The following PLXNA4 variants were observed in gnomAD, a reference collection of about 807,000 sequenced individuals.
The protein encoded by PLXNA4 is plexin A4.
In PLXNA4, 44 loss-of-function variants were observed where a neutral mutation model predicts 191.8. The observed-to-expected ratio is 0.23, with a 90% CI of 0.18 to 0.29. PLXNA4 has a LOEUF of 0.29. PLXNA4 is among the 10% of genes least tolerant of loss of function. The probability of loss-of-function intolerance (pLI) is 1.00; values close to 1 mark genes in which losing one functional copy is unlikely to be tolerated. For synonymous variants in PLXNA4, 1,082 were observed against 1,009.5 expected (o/e 1.07, Z -1.36); for missense variants, 1,800 against 2,488.8 (o/e 0.72, Z 5.89).
At chr7:132,560,978 T>C (rs1182938998) in intron 1 of PLXNA4, among the ~76,000 whole-genome samples, 2 of 152,102 alleles carry the variant, frequency 1.3e-5, no homozygotes, top group Non-Finnish European at 2.9e-5. Flanking sequence ...TGGCCCCCGC[T>C]GAACCTTGCT....
chr7:132,389,482 AT>A (rs1805306139), intron 3 of PLXNA4, among the ~76,000 whole-genome samples: 1 of 152,212 alleles, frequency 6.6e-6, no homozygotes, highest in Non-Finnish European at 1.5e-5. Flanking sequence ...AGCTTTCTGC[AT>A]ATGGCTAGCC....
At chr7:132,440,620 T>C (rs969552113) in intron 3 of PLXNA4, among the ~76,000 whole-genome samples, 10 of 152,348 alleles carry the variant, frequency 6.6e-5, no homozygotes, top group Admixed American at 5.9e-4. Flanking sequence ...CTAAAGCTGC[T>C]AGTGAATGCT....
chr7:132,463,524 A>G (rs551857764), intron 3 of PLXNA4, among the ~76,000 whole-genome samples: 93 of 152,324 alleles, frequency 6.1e-4, no homozygotes, highest in African/African-American at 2.2e-3. Flanking sequence ...AGGATAAGAG[A>G]CTTGCTTAAG....
chr7:132,341,467 C>T lies in PLXNA4; in HGVS notation c.1372-43245G>A, dbSNP rs1324500417. 2.6e-5 allele frequency among the ~76,000 whole-genome samples: 4 copies of T among 152,186 alleles called. No individual in the cohort carries two copies. In the East Asian group the frequency reaches 7.7e-4, roughly 29 times the overall value. Reference sequence around the variant, plus strand: ...GAATTGCTAATATATAGTAAAATCTCAATCCCTTACAATGGCATTAAAGCC... The same window carrying T: ...GAATTGCTAATATATAGTAAAATCTTAATCCCTTACAATGGCATTAAAGCC... On this transcript the variant is annotated intron_variant, in intron 3 of 31. Transcript: ENST00000321063.
chr7:132,328,152 G>C (rs76637669), intron 3 of PLXNA4, among the ~76,000 whole-genome samples: 4,466 of 152,234 alleles, frequency 0.029, 247 homozygotes, highest in African/African-American at 0.1. Context: ...AAGTGAAGGG[G>C]TCACTGGGTC....
At position 132,130,128 on chromosome 7, in the gene PLXNA4, G is replaced by C. The variant is rs1794883116; in HGVS notation, c.*351C>G. ...AGCACAGAAATGTCCCCTGTCCCTGGCTCCTCATTCGTTATTTGCACCCTG... is the reference window on the plus strand; with the variant it reads ...AGCACAGAAATGTCCCCTGTCCCTGCCTCCTCATTCGTTATTTGCACCCTG... On this transcript the variant is annotated 3_prime_UTR_variant, in exon 32 of 32. Transcript: ENST00000321063. 4.0e-6 allele frequency: 1 copy of C among 252,018 alleles called. No individual in the cohort carries two copies. Among genetic ancestry groups the C allele is most frequent in the Non-Finnish European group, 7.9e-6 (1 of 126,456 alleles). The allele number at this position is 252,018 out of a possible 1,614,324, so 15.6% of individuals were successfully genotyped here. A position where few individuals can be genotyped will look rare whatever the true frequency, so the allele number is the denominator to read the frequency against.
intron 2 of PLXNA4, among the ~76,000 whole-genome samples, chr7:132,627,087 C>A (rs1803392533): frequency 6.6e-6 from 1 of 152,208 alleles, no homozygotes. Flanking sequence ...TATTTAAAAT[C>A]TCTGTAGTTT....
rs1584795375 is a variant in PLXNA4 at position 132,174,657 on chromosome 7, C to A, written c.4017+121G>T. ...GACTGGTGCTGACAATCTGGGGGAC[C>A]TTGGGCAAGTTGTGTCCCCTCCCTG... On this transcript the variant is annotated intron_variant, in intron 21 of 31. Coordinates refer to ENST00000321063, the MANE Select transcript of PLXNA4 (RefSeq NM_020911.2). 5.4e-6 allele frequency: 8 copies of A among 1,470,822 alleles called. No individual in the cohort carries two copies. The East Asian group carries it at 1.6e-4, about 30-fold the overall frequency. 91.1% of individuals were successfully genotyped at this position (1,470,822 alleles called of 1,614,324 possible). A position where few individuals can be genotyped will look rare whatever the true frequency, so the allele number is the denominator to read the frequency against.
chr7:132,485,304 C>T (rs1353388294), intron 3 of PLXNA4, among the ~76,000 whole-genome samples: 1 of 152,132 alleles, frequency 6.6e-6, no homozygotes, highest in Non-Finnish European at 1.5e-5. Context: ...AACAGTTTAA[C>T]CTAGCAAAAA....
chr7:132,314,312 A>G (rs1192271253), intron 3 of PLXNA4, among the ~76,000 whole-genome samples: 5 of 152,214 alleles, frequency 3.3e-5, no homozygotes, highest in Admixed American at 2.0e-4. Flanking sequence ...ACCTACCATT[A>G]TTTAAAAAAT....
At chr7:132,357,411 T>C (rs768509537) in intron 3 of PLXNA4, among the ~76,000 whole-genome samples, 3 of 152,188 alleles carry the variant, frequency 2.0e-5, no homozygotes, top group African/African-American at 7.2e-5. Flanking sequence ...CAGGAGTGCA[T>C]GTCTCAAGGA....
chr7:132,168,841 C>T (rs888424006), intron 21 of PLXNA4, among the ~76,000 whole-genome samples: 2 of 152,190 alleles, frequency 1.3e-5, no homozygotes, highest in Non-Finnish European at 2.9e-5. Context: ...TCACTTCTGC[C>T]GGACTCCAGA....
chr7:132,597,182 C>T (rs185196589), intron 2 of PLXNA4, among the ~76,000 whole-genome samples: 1 of 152,272 alleles, frequency 6.6e-6, no homozygotes, highest in East Asian at 1.9e-4. Context: ...TCCTTGCATT[C>T]CCATTGAATT....
In PLXNA4 at chr7:132,506,235, C is replaced by A. The variant is rs75518574; in HGVS notation, c.1188+1271G>T. On this transcript the variant is annotated intron_variant, in intron 2 of 31. Transcript: ENST00000321063. ...AAATCCCAAAGACCAGAGTGATGGC[C>A]TCTCCACACTCTGGCTGGGGAGGGT... 7.7e-3 allele frequency among the ~76,000 whole-genome samples: 1,171 copies of A among 152,248 alleles called. 14 individuals are homozygous for A. Among genetic ancestry groups the A allele is most frequent in the African/African-American group, 0.027 (1,125 of 41,552 alleles).
chr7:132,558,195 G>T (rs1343884073), intron 1 of PLXNA4, among the ~76,000 whole-genome samples: 1 of 152,184 alleles, frequency 6.6e-6, no homozygotes, highest in East Asian at 1.9e-4. Context: ...TGTAAAATTT[G>T]TTACCTGGTT....
chr7:132,344,525 T>C (rs1803166433), intron 3 of PLXNA4, among the ~76,000 whole-genome samples: 1 of 152,110 alleles, frequency 6.6e-6, no homozygotes, highest in South Asian at 2.1e-4. Flanking sequence ...CACCCAGAAA[T>C]AGTCACTACC....
chr7:132,361,411 G>A (rs1379043291), intron 3 of PLXNA4, among the ~76,000 whole-genome samples: 2 of 152,130 alleles, frequency 1.3e-5, no homozygotes, highest in Non-Finnish European at 2.9e-5. Context: ...TATTTATTGT[G>A]CCCAGAGTGA....
chr7:132,497,688 A>G (rs777937929), intron 2 of PLXNA4, among the ~76,000 whole-genome samples: 1 of 152,176 alleles, frequency 6.6e-6, no homozygotes, highest in Admixed American at 6.5e-5. Context: ...GACACGTGAC[A>G]TTGAGACACA....
chr7:132,203,191 G>A (rs1797498879), intron 11 of PLXNA4, 132 bp downstream of exon 11: 5 of 766,118 alleles, frequency 6.5e-6, no homozygotes, highest in Admixed American at 2.4e-5. Flanking sequence ...TGTGAAGGAG[G>A]GGCTCAGAGG....
Sources: gnomAD v4.1 joint callset for allele counts (sites outside exome capture counted in the v4.1 genomes callset) on GRCh38, gnomAD v4.1.1 for gene constraint, MANE v1.5 for transcripts, NCBI Gene and HGNC (gene_info 2026-07-23, HGNC 2026-07-21) for gene names.